Variants in PATJ observed in about 807,000 individuals in gnomAD.
PATJ encodes the protein PATJ crumbs cell polarity complex component.
PATJ carries 190 observed loss-of-function variants against 224.9 expected under a neutral mutation model. That is an observed-to-expected ratio of 0.84 (90% CI 0.75 to 0.95). The LOEUF is 0.95. PATJ is among the 40% of genes least tolerant of loss of function. The pLI is 0.00. For missense variants in PATJ, 2,121 were observed against 2,270.3 expected (o/e 0.93, Z 1.34); for synonymous variants, 769 against 820.3 (o/e 0.94, Z 1.07).
intron 13 of PATJ, among the ~76,000 whole-genome samples, chr1:61,807,105 C>G (rs1360713706): frequency 6.6e-6 from 1 of 152,060 alleles, no homozygotes; most frequent in South Asian, 2.1e-4. Flanking sequence ...GAGCTGAGAT[C>G]GTGCCACTGC....
chr1:61,794,128 C>T (rs1650514630), intron 9 of PATJ, among the ~76,000 whole-genome samples: 1 of 151,996 alleles, frequency 6.6e-6, no homozygotes, highest in Non-Finnish European at 1.5e-5. Context: ...TCTTGAACTC[C>T]TGACCTCAAG....
At chr1:62,036,907 G>A (rs1415353801) in intron 29 of PATJ, among the ~76,000 whole-genome samples, 59 of 140,780 alleles carry the variant, frequency 4.2e-4, no homozygotes, top group Admixed American at 1.4e-3. Flanking sequence ...GGAAGGGAGG[G>A]AGGGAGGAAG....
intron 27 of PATJ, among the ~76,000 whole-genome samples, chr1:61,934,535 A>G (rs565789185): frequency 6.6e-6 from 1 of 152,264 alleles, no homozygotes; most frequent in East Asian, 1.9e-4. Context: ...CATTGGATAT[A>G]CAGAAGAGCC....
chr1:61,848,664 C>G (rs996146930), intron 17 of PATJ, among the ~76,000 whole-genome samples: 14 of 152,144 alleles, frequency 9.2e-5, no homozygotes, highest in Admixed American at 5.9e-4. Flanking sequence ...GATCCTACCC[C>G]CTTGGCCTCC....
chr1:61,932,702 C>T lies in PATJ; in HGVS notation c.3670+4873C>T, dbSNP rs538605907. Among the ~76,000 whole-genome samples the T allele has an allele frequency of 1.9e-4, 29 of 152,270 alleles. No individual in the cohort carries two copies. The East Asian group carries it at 4.1e-3, about 21-fold the overall frequency. ...ATCACCTGAGGTCAGGAGTTCAAGACCAGCCTGGCCAACATGGTGAAACCC... is the reference window on the plus strand; with the variant it reads ...ATCACCTGAGGTCAGGAGTTCAAGATCAGCCTGGCCAACATGGTGAAACCC... On this transcript the variant is annotated intron_variant, in intron 27 of 43. Coordinates refer to ENST00000642238, the MANE Select transcript of PATJ (RefSeq NM_001350145.3).
intron 20 of PATJ, among the ~76,000 whole-genome samples, chr1:61,870,428 C>T (rs1017454919): frequency 3.3e-5 from 5 of 152,100 alleles, no homozygotes; most frequent in Non-Finnish European, 5.9e-5. Flanking sequence ...CAGGATAGAG[C>T]AGGGCGAGGG....
chr1:61,923,778 C>T (rs1215111917), intron 26 of PATJ, among the ~76,000 whole-genome samples: 5 of 151,330 alleles, frequency 3.3e-5, no homozygotes, highest in South Asian at 4.2e-4. Flanking sequence ...AAAAATTAGC[C>T]GGCTGTGGTG....
intron 1 of PATJ, among the ~76,000 whole-genome samples, chr1:61,756,563 CTTTTTTTTTTTTTT>C (rs370667808): frequency 3.0e-5 from 2 of 65,626 alleles, no homozygotes; most frequent in African/African-American, 6.6e-5. Context: ...AACCAGGACA[CTTTTTTTTTTTTTT>C]TTTTTTTTTT....
Position 62,107,082 on chromosome 1 carries a change from G to A in PATJ, c.4378-1355G>A, listed in dbSNP as rs537062460. 1.2e-4 allele frequency among the ~76,000 whole-genome samples: 18 copies of A among 151,928 alleles called. No individual in the cohort carries two copies. In the Middle Eastern group the frequency reaches 0.01, roughly 87 times the overall value. ...CAGCACTCTGGGAGGTGAGGCGGGC[G>A]GATCACAAGGTCAGGAGATTGAGAC... On this transcript the variant is annotated intron_variant, in intron 33 of 43. Transcript: ENST00000642238.
chr1:61,932,484 C>G (rs747238980), intron 27 of PATJ, among the ~76,000 whole-genome samples: 24 of 152,308 alleles, frequency 1.6e-4, no homozygotes, highest in Non-Finnish European at 2.9e-4. Context: ...AAGGCTGTCA[C>G]TGACCTTCAA....
intron 27 of PATJ, among the ~76,000 whole-genome samples, chr1:61,932,028 A>G (rs1050468417): frequency 6.6e-6 from 1 of 152,230 alleles, no homozygotes; most frequent in Non-Finnish European, 1.5e-5. Flanking sequence ...GCAACTCAGT[A>G]TATTTTATGA....
At chr1:61,760,029 G>A (rs1645876017) in intron 1 of PATJ, among the ~76,000 whole-genome samples, 1 of 152,206 alleles carries the variant, frequency 6.6e-6, no homozygotes, top group South Asian at 2.1e-4. Flanking sequence ...AGAGGTTGAT[G>A]TGTTAATGAC....
At chr1:62,036,227 C>A (rs1396826122) in intron 29 of PATJ, among the ~76,000 whole-genome samples, 1 of 152,118 alleles carries the variant, frequency 6.6e-6, no homozygotes, top group Non-Finnish European at 1.5e-5. Context: ...GAAGATGTAA[C>A]TGGGTTGCTC....
In PATJ at chr1:61,769,516, A is replaced by G. The variant is rs574542095; in HGVS notation, c.524+94A>G. 4 of 1,339,058 alleles carry G rather than the reference A, an allele frequency of 3.0e-6. No individual in the cohort carries two copies. In the Admixed American group the frequency reaches 8.7e-5, roughly 29 times the overall value. 82.9% of individuals were successfully genotyped at this position (1,339,058 alleles called of 1,614,324 possible). A position where few individuals can be genotyped will look rare whatever the true frequency, so the allele number is the denominator to read the frequency against. On this transcript the variant is annotated intron_variant, in intron 5 of 43. Coordinates refer to ENST00000642238, the MANE Select transcript of PATJ (RefSeq NM_001350145.3). Reference sequence around the variant, plus strand: ...GTGAAAAACTAGTAATAAAAACAGTAACAGTAACAGCTAACATTTTTGCTT... The same window carrying G: ...GTGAAAAACTAGTAATAAAAACAGTGACAGTAACAGCTAACATTTTTGCTT...
chr1:61,750,731 C>G (rs148645434), intron 1 of PATJ, among the ~76,000 whole-genome samples: 18 of 151,928 alleles, frequency 1.2e-4, no homozygotes, highest in Non-Finnish European at 2.6e-4. Flanking sequence ...TGAGCCACCA[C>G]GCCCGACCCA....
At chr1:62,022,834 G>C (rs1344126801) in intron 29 of PATJ, among the ~76,000 whole-genome samples, 2 of 152,182 alleles carry the variant, frequency 1.3e-5, no homozygotes, top group Non-Finnish European at 2.9e-5. Flanking sequence ...CCACCTTCCT[G>C]TATCGATTGA....
chr1:62,148,121 T>TA (rs59697245), intron 41 of PATJ, among the ~76,000 whole-genome samples, 163 bp from the exon 42 acceptor site: 2,572 of 118,438 alleles, frequency 0.022, 69 homozygotes, highest in African/African-American at 0.029. Context: ...ACACTGTCTT[T>TA]AAAAAAAAAA....
chr1:62,114,920 AAAAAG>A (rs1488715536), intron 35 of PATJ: 2 of 152,142 alleles, frequency 1.3e-5, no homozygotes, highest in East Asian at 1.9e-4. Flanking sequence ...TAAAAAAAAA[AAAAAG>A]AAAAGGAAAA....
chr1:61,948,857 A>G (rs1374058114), intron 27 of PATJ, among the ~76,000 whole-genome samples: 1 of 152,208 alleles, frequency 6.6e-6, no homozygotes, highest in Non-Finnish European at 1.5e-5. Flanking sequence ...AATGTGGCAC[A>G]TATGCACCAT....
Sources: gnomAD v4.1 joint callset for allele counts (sites outside exome capture counted in the v4.1 genomes callset) on GRCh38, gnomAD v4.1.1 for gene constraint, MANE v1.5 for transcripts, NCBI Gene and HGNC (gene_info 2026-07-23, HGNC 2026-07-21) for gene names.